The following ASIP variants were observed in gnomAD, a reference collection of about 807,000 sequenced individuals.
ASIP encodes the protein agouti signaling protein.
ASIP carries 11 observed loss-of-function variants against 10.3 expected under a neutral mutation model. The ratio of observed to expected loss-of-function variants is 1.07; its 90% CI spans 0.68 to 1.78. ASIP has a LOEUF of 1.78. ASIP is among the 40% of genes most tolerant of loss of function. The probability of loss-of-function intolerance (pLI) is 0.00; values close to 1 mark genes in which losing one functional copy is unlikely to be tolerated. For synonymous variants in ASIP, 70 were observed against 70.8 expected, an observed-to-expected ratio of 0.99 and a Z score of 0.06; for missense variants, 180 against 169.2, an observed-to-expected ratio of 1.06 and a Z score of -0.35.
chr20:34,257,208 T>C (rs2035589056), intron 1 of ASIP, among the ~76,000 whole-genome samples: 1 of 152,014 alleles, frequency 6.6e-6, no homozygotes, highest in Admixed American at 6.6e-5. Flanking sequence ...CTCAGCCTCC[T>C]GAGTAGGTGG....
chr20:34,188,715 T>C, the ASIP span, among the ~76,000 whole-genome samples: 30 of 152,328 alleles, frequency 2.0e-4, no homozygotes, highest in African/African-American at 6.7e-4. Context: ...TATTAGTTGA[T>C]TTAAAGAAAA....
chr20:34,262,711 G>A (rs1028882059), intron 2 of ASIP, 121 bp from the exon 3 acceptor site: 23 of 1,063,550 alleles, frequency 2.2e-5, no homozygotes, highest in Middle Eastern at 2.1e-4. Context: ...GACTCATCCA[G>A]CACGCTTCTT....
At chr20:34,227,646 AG>A (rs1303198038) in intron 1 of ASIP, among the ~76,000 whole-genome samples, 2 of 151,430 alleles carry the variant, frequency 1.3e-5, no homozygotes, top group African/African-American at 4.9e-5. Flanking sequence ...AAAAAAAAAA[AG>A]AGATATACCA....
At chr20:34,243,757 T>TA (rs1356320125) in intron 1 of ASIP, among the ~76,000 whole-genome samples, 3 of 132,606 alleles carry the variant, frequency 2.3e-5, no homozygotes, top group African/African-American at 8.2e-5. Flanking sequence ...AATATTGTAT[T>TA]TAAAAAAAAA....
chr20:34,202,079 TA>T (rs200525186), intron 1 of ASIP, among the ~76,000 whole-genome samples: 3,538 of 139,156 alleles, frequency 0.025, 96 homozygotes, highest in African/African-American at 0.074. Context: ...GATAAAATTG[TA>T]AAAAAAAAAA....
At chr20:34,195,809 G>GT (rs148696836) in intron 1 of ASIP, among the ~76,000 whole-genome samples, 2,151 of 151,466 alleles carry the variant, frequency 0.014, 56 homozygotes, top group African/African-American at 0.048. Context: ...TGTTTTGTTT[G>GT]TTTTTTTTGC....
rs563549231 is a variant in ASIP at position 34,258,108 on chromosome 20, C to T, written c.-10-2257C>T. ...GCAGTAAGCCAAGATCGCACCACTG[C>T]ACTCCATCCTGGGCAACAGAGTGAG... On this transcript the variant is annotated intron_variant, in intron 1 of 3. Coordinates refer to ENST00000374954, the MANE Select transcript of ASIP (RefSeq NM_001672.3). Among the ~76,000 whole-genome samples the T allele has an allele frequency of 3.3e-5, 5 of 151,760 alleles. No individual in the cohort carries two copies. In the East Asian group the frequency reaches 7.8e-4, roughly 24 times the overall value.
chr20:34,207,108 A>G (rs950718336), intron 1 of ASIP, among the ~76,000 whole-genome samples: 10 of 152,186 alleles, frequency 6.6e-5, no homozygotes, highest in Non-Finnish European at 1.2e-4. Flanking sequence ...GTATTAATTT[A>G]TATTCCCGTT....
At position 34,214,966 on chromosome 20, in the gene ASIP, T is replaced by C. The variant is rs1016246679; in HGVS notation, c.-11+20206T>C. On this transcript the variant is annotated intron_variant, in intron 1 of 3. Coordinates refer to the ASIP transcript ENST00000568305. ...TTTACTCCAACTAACTATCCATGAC[T>C]GTCCCATTCCGTTTACCGGCTTAGA... 2.9e-6 allele frequency: 4 copies of C among 1,394,924 alleles called. No homozygotes were observed. The African/African-American group carries it at 5.7e-5, about 20-fold the overall frequency. 86.4% of individuals were successfully genotyped at this position (1,394,924 alleles called of 1,614,324 possible).
intron 1 of ASIP, among the ~76,000 whole-genome samples, chr20:34,254,403 T>G (rs2122641898): frequency 6.6e-6 from 1 of 152,310 alleles, no homozygotes; most frequent in South Asian, 2.1e-4. Flanking sequence ...AGTGTGTTTC[T>G]CTAATGAGTA....
rs1042027309 is a variant in ASIP at position 34,223,146 on chromosome 20, C to T, written c.-11+28386C>T. ...GCTGCCCAGTCTGGAAAGTGAGGAG[C>T]GTCTCCTCCTGGCCGCCATCCCATC... On this transcript the variant is annotated intron_variant, in intron 1 of 3. Coordinates refer to the ASIP transcript ENST00000568305. Among the ~76,000 whole-genome samples, 58 of 151,044 alleles carry T rather than the reference C, an allele frequency of 3.8e-4. 1 individual carries two copies. Among genetic ancestry groups the T allele is most frequent in the Admixed American group, 8.6e-4 (13 of 15,172 alleles).
At position 34,257,818 on chromosome 20, in the gene ASIP, C is replaced by T. The variant is rs73610827; in HGVS notation, c.-10-2547C>T. Among the ~76,000 whole-genome samples, 238 of 152,216 alleles carry T rather than the reference C, an allele frequency of 1.6e-3. 2 individuals carry two copies. In the East Asian group the frequency reaches 0.033, roughly 21 times the overall value. On this transcript the variant is annotated intron_variant, in intron 1 of 3. Transcript: ENST00000374954. The stretch of plus-strand genomic sequence containing the variant: ...TGAGAAATATTATTGGCACATTAGC[C>T]TTTTAATAAAGGTCATCAATATCTT...
At chr20:34,213,930 G>A (rs2034990840) in intron 1 of ASIP, 2 of 1,575,678 alleles carry the variant, frequency 1.3e-6, no homozygotes, top group African/African-American at 1.4e-5. Flanking sequence ...CTGCTAGAGA[G>A]GCTTGCCTTT....
At chr20:34,243,045 C>T (rs1018472025) in intron 1 of ASIP, among the ~76,000 whole-genome samples, 3 of 152,206 alleles carry the variant, frequency 2.0e-5, no homozygotes, top group African/African-American at 4.8e-5. Context: ...CATTTAGCAT[C>T]GCCTATCAGC....
intron 1 of ASIP, among the ~76,000 whole-genome samples, chr20:34,255,910 G>A (rs940591213): frequency 6.6e-6 from 1 of 152,146 alleles, no homozygotes; most frequent in Non-Finnish European, 1.5e-5. Context: ...CCCCGGGGGA[G>A]TTAGAGAAGA....
rs1037831759 is a variant in ASIP, at chr20:34,215,676, T to C, written c.-11+20916T>C. On this transcript the variant is annotated intron_variant, in intron 1 of 3. Transcript: ENST00000568305. ...TCCCTAATTAGTTGTTGTTGAACAGTGGTTAGTTCTGAATATTTGTATTTA... is the reference window on the plus strand; with the variant it reads ...TCCCTAATTAGTTGTTGTTGAACAGCGGTTAGTTCTGAATATTTGTATTTA... The C allele has an allele frequency of 8.3e-6, 12 of 1,450,586 alleles. No homozygotes were observed. The African/African-American group carries it at 1.4e-4, about 17-fold the overall frequency. The allele number at this position is 1,450,586 out of a possible 1,614,324, so 89.9% of individuals were successfully genotyped here.
chr20:34,265,013 C>A (rs1048530570), intron 3 of ASIP, among the ~76,000 whole-genome samples: 4 of 152,006 alleles, frequency 2.6e-5, no homozygotes, highest in Admixed American at 1.3e-4. Flanking sequence ...CCGGGCTGGT[C>A]TCAAACTCCT....
Position 34,269,148 on chromosome 20 carries a change from T to C in ASIP, c.380T>C (p.Val127Ala). The change falls in exon 4 of 4, where the codon GTG (valine) becomes GCG (alanine). Residue 127 changes from valine (V) to alanine (A), a missense_variant. Transcript: ENST00000374954. ...TTCCGCAGCGCCTGCTCCTGCCGCGTGCTCAGCCTCAACTGCTGAGCGCCC... is the reference window on the plus strand; with the variant it reads ...TTCCGCAGCGCCTGCTCCTGCCGCGCGCTCAGCCTCAACTGCTGAGCGCCC... ...RFFRSACSCR[V>A]LSLNC 6.5e-7 allele frequency: 1 copy of C among 1,546,832 alleles called. No homozygotes were observed. Among genetic ancestry groups the C allele is most frequent in the Non-Finnish European group, 8.7e-7 (1 of 1,145,642 alleles).
chr20:34,248,881 A>C (rs1456915568), intron 1 of ASIP, among the ~76,000 whole-genome samples: 1 of 151,628 alleles, frequency 6.6e-6, no homozygotes, highest in East Asian at 1.9e-4. Flanking sequence ...AATAACAGCA[A>C]TTCAACGTTC....
Sources: gnomAD v4.1 joint callset for allele counts (sites outside exome capture counted in the v4.1 genomes callset) on GRCh38, gnomAD v4.1.1 for gene constraint, MANE v1.5 for transcripts, NCBI Gene and HGNC (gene_info 2026-07-23, HGNC 2026-07-21) for gene names.